KANK4: variants seen among roughly 807,000 people sequenced by gnomAD.
The protein encoded by KANK4 is KN motif and ankyrin repeat domain-containing protein 4.
In KANK4, 50 loss-of-function variants were observed where a neutral mutation model predicts 80.8. That is an observed-to-expected ratio of 0.62 (90% confidence interval 0.49 to 0.78). The LOEUF (loss-of-function observed/expected upper bound fraction) is 0.78, where lower values mean the gene tolerates loss of function less well. KANK4 is among the 30% of genes least tolerant of loss of function. The pLI is 0.00. For missense variants in KANK4, 1,196 were observed against 1,240.1 expected, an observed-to-expected ratio of 0.96 and a Z score of 0.53; for synonymous variants, 465 against 506.9, an observed-to-expected ratio of 0.92 and a Z score of 1.11.
chr1:62,282,612 GTA>G (rs1288800334), intron 1 of KANK4, among the ~76,000 whole-genome samples: 1 of 152,208 alleles, frequency 6.6e-6, no homozygotes, highest in Non-Finnish European at 1.5e-5. Context: ...GGACAAACAA[GTA>G]ACTGGAGAAG....
At chr1:62,270,665 T>C (rs1672139215) in intron 4 of KANK4, among the ~76,000 whole-genome samples, 1 of 152,090 alleles carries the variant, frequency 6.6e-6, no homozygotes, top group Admixed American at 6.5e-5. Context: ...ATTACAGGCA[T>C]GAGCCACAGC....
intron 1 of KANK4, among the ~76,000 whole-genome samples, chr1:62,298,932 TA>T (rs1644389119): frequency 8.5e-6 from 1 of 118,324 alleles, no homozygotes; most frequent in Non-Finnish European, 1.7e-5. Flanking sequence ...CTCTATGTAT[TA>T]TTTTTTTTTT....
rs772952588 is a variant in KANK4, at chr1:62,263,113, C to T, written c.2518G>A (p.Val840Met). Reference sequence around the variant, plus strand: ...TGACCTGTCTCCAGCAGCAGCTTCACGATGGAGAAGTTGGAGTGGGACACG... The same window carrying T: ...TGACCTGTCTCCAGCAGCAGCTTCATGATGGAGAAGTTGGAGTGGGACACG... ...YSVSHSNFSI[V>M]KLLLETGVCN... is the part of the protein sequence containing the mutation. The change falls in exon 7 of 10, where the codon GTG (valine) becomes ATG (methionine). Residue 840 changes from valine to methionine, a missense_variant. By Grantham distance (21) the Val-to-Met change is conservative. Coordinates refer to ENST00000371153, the MANE Select transcript of KANK4 (RefSeq NM_181712.5). The T allele has an allele frequency of 3.7e-6, 6 of 1,613,068 alleles. No individual in the cohort carries two copies. Among genetic ancestry groups the T allele is most frequent in the East Asian group, 4.5e-5 (2 of 44,880 alleles).
intron 2 of KANK4, among the ~76,000 whole-genome samples, 193 bp from the exon 3 acceptor site, chr1:62,275,280 G>A (rs1672283037): frequency 1.3e-5 from 2 of 152,156 alleles, no homozygotes; most frequent in South Asian, 2.1e-4. Flanking sequence ...TTAAATCAAT[G>A]TGTACTTAGC....
chr1:62,298,158 A>G (rs1048651011), intron 1 of KANK4: 2 of 152,164 alleles, frequency 1.3e-5, no homozygotes, highest in African/African-American at 4.8e-5. Flanking sequence ...TTTAAATATG[A>G]AATGCTTCAT....
chr1:62,302,427 T>C (rs1476901081), intron 1 of KANK4, among the ~76,000 whole-genome samples: 1 of 152,016 alleles, frequency 6.6e-6, no homozygotes, highest in African/African-American at 2.4e-5. Flanking sequence ...AGGAGCTAGA[T>C]GCTTTTATTA....
In KANK4 at chr1:62,247,506, G is replaced by T; in HGVS notation, c.2849C>A (p.Ala950Glu). 6.2e-7 allele frequency: 1 copy of T among 1,614,000 alleles called. No individual in the cohort carries two copies. The highest frequency in any genetic ancestry group is 8.5e-7 in the Non-Finnish European group (1 of 1,180,024). Residue 950 changes from alanine (A) to glutamate (E), a missense_variant, in exon 9 of 10, where the codon GCA becomes GAA. Coordinates refer to ENST00000371153, the MANE Select transcript of KANK4 (RefSeq NM_181712.5). ...GNVDLVRLLL[A>E]HPACDSSLTD... ...CAGGCTGCTGTCGCAGGCTGGGTGTGCCAGGAGCAGCCGCACCAGGTCCAC... is the reference window on the plus strand; with the variant it reads ...CAGGCTGCTGTCGCAGGCTGGGTGTTCCAGGAGCAGCCGCACCAGGTCCAC...
intron 9 of KANK4, among the ~76,000 whole-genome samples, chr1:62,244,945 C>T (rs1179022621): frequency 1.3e-5 from 2 of 152,200 alleles, no homozygotes; most frequent in Admixed American, 1.3e-4. Context: ...CATCAGAAAA[C>T]AGCCACTTAG....
intron 7 of KANK4, among the ~76,000 whole-genome samples, chr1:62,256,388 CT>C (rs893915241): frequency 9.8e-4 from 142 of 145,028 alleles, no homozygotes; most frequent in Middle Eastern, 7.2e-3. Flanking sequence ...ATTTTCCTTT[CT>C]TTTTTTTTTT....
intron 7 of KANK4, among the ~76,000 whole-genome samples, chr1:62,255,154 G>A (rs1453794393): frequency 1.3e-5 from 2 of 151,446 alleles, no homozygotes; most frequent in East Asian, 3.9e-4. Context: ...CAAAGTGCTG[G>A]GATTACAGGC....
At chr1:62,290,443 C>A (rs576269445) in intron 1 of KANK4, among the ~76,000 whole-genome samples, 2 of 152,256 alleles carry the variant, frequency 1.3e-5, no homozygotes, top group South Asian at 4.1e-4. Flanking sequence ...GGCTGCATGA[C>A]CCTGAGAAAA....
chr1:62,260,410 C>G (rs1289205138), intron 7 of KANK4, among the ~76,000 whole-genome samples: 1 of 152,054 alleles, frequency 6.6e-6, no homozygotes, highest in Non-Finnish European at 1.5e-5. Flanking sequence ...CTCTCTGTCT[C>G]TCATTCCCTG....
intron 1 of KANK4, among the ~76,000 whole-genome samples, chr1:62,305,348 G>A (rs4915813): frequency 0.37 from 56,542 of 151,776 alleles, 11,560 homozygotes; most frequent in East Asian, 0.63. Flanking sequence ...TCGCTTTGTC[G>A]CCCAGGCTGG....
chr1:62,241,723 G>C (rs370561933), intron 9 of KANK4, among the ~76,000 whole-genome samples: 2 of 152,196 alleles, frequency 1.3e-5, no homozygotes, highest in African/African-American at 4.8e-5. Flanking sequence ...TTTAAGCAGG[G>C]AGTCCTGTAA....
chr1:62,296,516 G>A (rs4915607), intron 1 of KANK4, among the ~76,000 whole-genome samples: 109,420 of 152,180 alleles, frequency 0.72, 40,801 homozygotes, highest in African/African-American at 0.92. Context: ...AGAAGGCTCC[G>A]AAAGCACAGA....
intron 1 of KANK4, among the ~76,000 whole-genome samples, chr1:62,314,661 G>C (rs1480566669): frequency 1.3e-5 from 2 of 151,626 alleles, no homozygotes; most frequent in African/African-American, 2.4e-5. Flanking sequence ...AGACACAAAG[G>C]ATCCTTCCAT....
intron 7 of KANK4, among the ~76,000 whole-genome samples, chr1:62,260,805 A>T (rs1285906172): frequency 6.6e-6 from 1 of 152,140 alleles, no homozygotes; most frequent in African/African-American, 2.4e-5. Flanking sequence ...TCTAGTTATC[A>T]CACGACTGCC....
At position 62,303,468 on chromosome 1, in the gene KANK4, C is replaced by T. The variant is rs535447341; in HGVS notation, c.-71+15638G>A. ...TTATAGCTGAGGTTTCCTGACCAGC[C>T]CCCCGACCCAAAGGCACCCTAATTA... On this transcript the variant is annotated intron_variant, in intron 1 of 9. Coordinates refer to ENST00000371153, the MANE Select transcript of KANK4 (RefSeq NM_181712.5). 8.5e-5 allele frequency among the ~76,000 whole-genome samples: 13 copies of T among 152,054 alleles called. No homozygotes were observed. In the South Asian group the frequency reaches 2.5e-3, roughly 29 times the overall value.
intron 2 of KANK4, among the ~76,000 whole-genome samples, chr1:62,275,350 G>A (rs1192122947): frequency 6.6e-6 from 1 of 152,188 alleles, no homozygotes; most frequent in African/African-American, 2.4e-5. Context: ...TGTCATCTGG[G>A]TTTCTACTGG....
Sources: allele counts gnomAD v4.1 joint callset (sites outside exome capture counted in the v4.1 genomes callset), GRCh38; gene constraint gnomAD v4.1.1; transcripts MANE v1.5; gene names NCBI Gene and HGNC (gene_info 2026-07-23, HGNC 2026-07-21).